HTR3B: variants seen among roughly 807,000 people sequenced by gnomAD.
The protein encoded by HTR3B is 5-hydroxytryptamine (serotonin) receptor 3B, ionotropic.
HTR3B carries 44 observed loss-of-function variants against 42.8 expected under a neutral mutation model. The ratio of observed to expected loss-of-function variants is 1.03; its 90% CI spans 0.81 to 1.32. The LOEUF (loss-of-function observed/expected upper bound fraction) is 1.32, where lower values mean the gene tolerates loss of function less well. Among genes scored for constraint, HTR3B ranks in the 40% most tolerant of loss-of-function variants. The pLI is 0.00. For synonymous variants in HTR3B, 203 were observed against 209.0 expected, an observed-to-expected ratio of 0.97 and a Z score of 0.25; for missense variants, 527 against 536.5, an observed-to-expected ratio of 0.98 and a Z score of 0.17.
intron 2 of HTR3B, among the ~76,000 whole-genome samples, chr11:113,925,162 A>G (rs1471597765): frequency 1.3e-5 from 2 of 152,158 alleles, no homozygotes; most frequent in Non-Finnish European, 2.9e-5. Context: ...TGAATTCTCC[A>G]GAGTAGTACA....
Position 113,941,823 on chromosome 11 carries a change from T to A in HTR3B, c.697-1159T>A, listed in dbSNP as rs1341160822. On this transcript the variant is annotated intron_variant, in intron 6 of 8. Coordinates refer to ENST00000260191, the MANE Select transcript of HTR3B (RefSeq NM_006028.5). ...GCCTCTGCACAGCTTTCTCTTCAGG[T>A]CTGGTCACCACTCCAGCCCTTGACT... Among the ~76,000 whole-genome samples the A allele has an allele frequency of 3.3e-5, 5 of 152,156 alleles. No homozygotes were observed. The East Asian group carries it at 9.6e-4, about 29-fold the overall frequency.
At chr11:113,912,616 T>C (rs1949808190) in intron 2 of HTR3B, among the ~76,000 whole-genome samples, 1 of 152,190 alleles carries the variant, frequency 6.6e-6, no homozygotes, top group African/African-American at 2.4e-5. Flanking sequence ...AATGAGAAAC[T>C]GCCATACTGA....
rs58093170 is a variant in HTR3B at position 113,946,340 on chromosome 11, GTAAATAAATAAATAAATAAA to G, written c.*226_*245del. ...ACATAGTGAGACCACATCTCTACCAGTAAATAAATAAATAAATAAATAAATAAATAAATAAATAAATAGCT... is the reference window on the plus strand; with the variant it reads ...ACATAGTGAGACCACATCTCTACCAGTAAATAAATAAATAAATAAATAGCT... On this transcript the variant is annotated 3_prime_UTR_variant, in exon 9 of 9. Transcript: ENST00000260191. 5.1e-5 allele frequency: 12 copies of G among 235,830 alleles called. 2 individuals carry two copies. The highest frequency in any genetic ancestry group is 1.6e-4 in the Admixed American group (3 of 19,240). The allele number at this position is 235,830 out of a possible 1,614,324, so 14.6% of individuals were successfully genotyped here.
At chr11:113,912,611 G>A (rs1949808122) in intron 2 of HTR3B, among the ~76,000 whole-genome samples, 1 of 152,188 alleles carries the variant, frequency 6.6e-6, no homozygotes. Flanking sequence ...TACTTAATGA[G>A]AAACTGCCAT....
At chr11:113,931,324 A>G (rs1950033010) in intron 2 of HTR3B, 60 bp from the exon 3 acceptor site, 1 of 1,212,308 alleles carries the variant, frequency 8.2e-7, no homozygotes, top group Non-Finnish European at 1.2e-6. Context: ...TTACTGCTGA[A>G]TTGGCCTTTG....
chr11:113,940,692 CG>C (rs1565567273), intron 6 of HTR3B, among the ~76,000 whole-genome samples: 1 of 152,210 alleles, frequency 6.6e-6, no homozygotes, highest in Admixed American at 6.5e-5. Context: ...TCCACAGAGT[CG>C]GGATGTGCTC....
intron 2 of HTR3B, among the ~76,000 whole-genome samples, chr11:113,910,168 G>A (rs1197629245): frequency 6.6e-6 from 1 of 152,022 alleles, no homozygotes; most frequent in South Asian, 2.1e-4. Flanking sequence ...AGAAAAAAAT[G>A]CCTTATTATC....
intron 2 of HTR3B, among the ~76,000 whole-genome samples, chr11:113,925,746 A>T (rs1273403793): frequency 2.6e-5 from 4 of 152,166 alleles, no homozygotes; most frequent in Non-Finnish European, 5.9e-5. Flanking sequence ...AGAAATGAAA[A>T]AAAATGAGTT....
In HTR3B at chr11:113,946,330, A is replaced by G; in HGVS notation, c.*193A>G. On this transcript the variant is annotated 3_prime_UTR_variant, in exon 9 of 9. Transcript: ENST00000260191. ...AGCCAGAGCAACATAGTGAGACCACATCTCTACCAGTAAATAAATAAATAA... is the reference window on the plus strand; with the variant it reads ...AGCCAGAGCAACATAGTGAGACCACGTCTCTACCAGTAAATAAATAAATAA... 4.3e-6 allele frequency: 2 copies of G among 461,534 alleles called. No homozygotes were observed. The highest frequency in any genetic ancestry group is 7.7e-6 in the Non-Finnish European group (2 of 259,304). The allele number at this position is 461,534 out of a possible 1,614,324, so 28.6% of individuals were successfully genotyped here.
chr11:113,919,525 A>G (rs1333298522), intron 2 of HTR3B, among the ~76,000 whole-genome samples: 1 of 152,172 alleles, frequency 6.6e-6, no homozygotes, highest in African/African-American at 2.4e-5. Context: ...AATTAATTTG[A>G]AACTTAAGAG....
At chr11:113,921,606 A>C (rs1949915113) in intron 2 of HTR3B, among the ~76,000 whole-genome samples, 1 of 149,756 alleles carries the variant, frequency 6.7e-6, no homozygotes, top group Non-Finnish European at 1.5e-5. Flanking sequence ...CGACAGAATG[A>C]GACTCCGTCT....
intron 6 of HTR3B, among the ~76,000 whole-genome samples, chr11:113,938,820 A>G (rs1040432085): frequency 6.6e-6 from 1 of 152,066 alleles, no homozygotes. Context: ...CCTGGCCAAC[A>G]TGGCAAAACC....
In HTR3B at chr11:113,926,968, A is replaced by G. The variant is rs1428760560; in HGVS notation, c.214-4416A>G. Among the ~76,000 whole-genome samples, 10 of 152,324 alleles carry G rather than the reference A, an allele frequency of 6.6e-5. No homozygotes were observed. In the East Asian group the frequency reaches 1.7e-3, roughly 26 times the overall value. On this transcript the variant is annotated intron_variant, in intron 2 of 8. Transcript: ENST00000260191. ...GCTGTCTTAGTGAGGATACAGTGGT[A>G]TCTCGTCGTGGTTTTGATTTGCAGT...
Position 113,913,418 on chromosome 11 carries a change from C to A in HTR3B, c.213+3963C>A, listed in dbSNP as rs186021060. 4.5e-3 allele frequency among the ~76,000 whole-genome samples: 616 copies of A among 135,694 alleles called. 1 individual carries two copies. The highest frequency in any genetic ancestry group is 6.8e-3 in the Non-Finnish European group (449 of 65,906). The allele number at this position is 135,694 out of a possible 152,430, so 89.0% of individuals were successfully genotyped here. Reference sequence around the variant, plus strand: ...TAGAGATGGAGTTTCACCATGTTGGCCAGGCTGGTCTCGAACTCCTGACCT... The same window carrying A: ...TAGAGATGGAGTTTCACCATGTTGGACAGGCTGGTCTCGAACTCCTGACCT... On this transcript the variant is annotated intron_variant, in intron 2 of 8. Transcript: ENST00000260191.
chr11:113,901,510 A>G (rs1949697941), upstream of HTR3B, among the ~76,000 whole-genome samples: 1 of 152,192 alleles, frequency 6.6e-6, no homozygotes, highest in Non-Finnish European at 1.5e-5. Context: ...TAAGATTAGA[A>G]AAAGAAAGAT....
chr11:113,932,605 T>C (rs1412724603), intron 5 of HTR3B, 147 bp downstream of exon 5: 1 of 724,846 alleles, frequency 1.4e-6, no homozygotes, highest in African/African-American at 1.8e-5. Context: ...GCTCCTGCTG[T>C]AATCCAGACC....
intron 2 of HTR3B, among the ~76,000 whole-genome samples, chr11:113,909,719 A>G (rs1316060745): frequency 6.6e-6 from 1 of 152,174 alleles, no homozygotes; most frequent in Non-Finnish European, 1.5e-5. Flanking sequence ...GTGGTGGCTC[A>G]TGCCTGTAAT....
At chr11:113,933,118 G>T in intron 6 of HTR3B, 25 bp downstream of exon 6, 1 of 1,601,430 alleles carries the variant, frequency 6.2e-7, no homozygotes, top group Non-Finnish European at 8.5e-7. Context: ...ACCTGTCCCC[G>T]TTGCCCGCTT....
rs755995832 is a variant in HTR3B at position 113,944,659 on chromosome 11, C to T, written c.994C>T (p.Arg332Cys). 76 of 1,614,170 alleles carry T rather than the reference C, an allele frequency of 4.7e-5. 2 individuals carry two copies. The highest frequency in any genetic ancestry group is 3.3e-4 in the Middle Eastern group (2 of 6,062). The change falls in exon 8 of 9, where the codon CGT becomes TGT. Residue 332 changes from arginine (R) to cysteine (C), a missense_variant. Physicochemically the swap from Arg to Cys is radical, Grantham distance 180 (BLOSUM62 -3). Coordinates refer to ENST00000260191, the MANE Select transcript of HTR3B (RefSeq NM_006028.5). ...GGTCAAATTCCTCCATGATGAGCAG[C>T]GTGGTGGACAGGAGCAGCCCTTCTT... ...VLVKFLHDEQ[R>C]GGQEQPFLCL...
Sources: allele counts gnomAD v4.1 joint callset (sites outside exome capture counted in the v4.1 genomes callset), GRCh38; gene constraint gnomAD v4.1.1; transcripts MANE v1.5; gene names NCBI Gene and HGNC (gene_info 2026-07-23, HGNC 2026-07-21).